PLEKHA8: variants seen among roughly 807,000 people sequenced by gnomAD.
PLEKHA8 encodes the protein pleckstrin homology domain-containing family A member 8.
In PLEKHA8, 36 loss-of-function variants were observed where a neutral mutation model predicts 68.2. The observed-to-expected ratio is 0.53, with a 90% CI of 0.40 to 0.70. PLEKHA8 has a LOEUF of 0.70. PLEKHA8 is among the 30% of genes least tolerant of loss of function. The pLI, the probability that PLEKHA8 is intolerant of heterozygous loss-of-function variation, is 0.00. For missense variants in PLEKHA8, 505 were observed against 615.4 expected, an observed-to-expected ratio of 0.82 and a Z score of 1.90; for synonymous variants, 211 against 216.1, an observed-to-expected ratio of 0.98 and a Z score of 0.20.
At chr7:30,123,731 A>G (rs552796349) in intron 13 of PLEKHA8, among the ~76,000 whole-genome samples, 6 of 152,230 alleles carry the variant, frequency 3.9e-5, no homozygotes, top group Non-Finnish European at 8.8e-5. Flanking sequence ...GAACAGAGCC[A>G]GCACAGAGGA....
intron 13 of PLEKHA8, among the ~76,000 whole-genome samples, chr7:30,111,475 C>T (rs1330948960): frequency 6.6e-6 from 1 of 151,808 alleles, no homozygotes; most frequent in Non-Finnish European, 1.5e-5. Context: ...CATTTAATCA[C>T]TTTTGGTTTT....
At chr7:30,073,798 G>A (rs879337121) in intron 12 of PLEKHA8, among the ~76,000 whole-genome samples, 1 of 151,806 alleles carries the variant, frequency 6.6e-6, no homozygotes, top group Non-Finnish European at 1.5e-5. Flanking sequence ...GAACAGCCTG[G>A]GCAACATAGC....
Position 30,111,185 on chromosome 7 carries a change from G to A in PLEKHA8, c.1363-18081G>A, listed in dbSNP as rs1232351680. ...TCCCAAAGCACTGGATTACACGCAT[G>A]AGCCATCACACCTGGACCTTATTTT... On this transcript the variant is annotated intron_variant, in intron 13 of 13. Coordinates refer to the PLEKHA8 transcript ENST00000396257. Among the ~76,000 whole-genome samples the A allele has an allele frequency of 2.0e-5, 3 of 152,092 alleles. No homozygotes were observed. In the South Asian group the frequency reaches 6.2e-4, roughly 32 times the overall value.
At chr7:30,037,384 G>A (rs1335120910) in intron 1 of PLEKHA8, among the ~76,000 whole-genome samples, 1 of 152,024 alleles carries the variant, frequency 6.6e-6, no homozygotes, top group Non-Finnish European at 1.5e-5. Context: ...GCCCAAGCTG[G>A]TCTTGAACTC....
chr7:30,078,511 G>A, intron 13 of PLEKHA8, 79 bp from the exon 14 acceptor site: 2 of 1,359,216 alleles, frequency 1.5e-6, no homozygotes, highest in South Asian at 1.2e-5. Context: ...AAGTATGTGT[G>A]TGTGCATGTG....
At position 30,083,785 on chromosome 7, in the gene PLEKHA8, T is replaced by C. The variant is rs1245666028; in HGVS notation, c.*4998T>C. ...ATAATATCCTGCTTGTTCTAAATAGTTCATATATTTAAAGTGTGGTCAGTA... is the reference window on the plus strand; with the variant it reads ...ATAATATCCTGCTTGTTCTAAATAGCTCATATATTTAAAGTGTGGTCAGTA... On this transcript the variant is annotated 3_prime_UTR_variant, in exon 14 of 14. Coordinates refer to ENST00000449726, the MANE Select transcript of PLEKHA8 (RefSeq NM_001197026.2). 4.1e-6 allele frequency: 4 copies of C among 985,100 alleles called. No individual in the cohort carries two copies. The highest frequency in any genetic ancestry group is 4.8e-6 in the Non-Finnish European group (4 of 829,754). 61.0% of individuals were successfully genotyped at this position (985,100 alleles called of 1,614,324 possible).
intron 3 of PLEKHA8, 39 bp downstream of exon 3, chr7:30,046,404 A>G (rs1331565549): frequency 1.3e-6 from 2 of 1,529,318 alleles, no homozygotes; most frequent in Admixed American, 2.1e-5. Context: ...AACCTTGGGA[A>G]TCACCCACTG....
chr7:30,074,258 G>GTA, intron 13 of PLEKHA8, 126 bp downstream of exon 13: 1 of 666,062 alleles, frequency 1.5e-6, no homozygotes, highest in Non-Finnish European at 2.5e-6. Context: ...GTGTGTGTGT[G>GTA]TGTGTGTGTG....
chr7:30,093,368 A>G (rs1474918503), downstream of PLEKHA8, among the ~76,000 whole-genome samples: 1 of 152,214 alleles, frequency 6.6e-6, no homozygotes, highest in African/African-American at 2.4e-5. Flanking sequence ...GAGAAGAGGA[A>G]ATGTTGCTTG....
intron 12 of PLEKHA8, among the ~76,000 whole-genome samples, chr7:30,064,153 A>T (rs1793652268): frequency 6.6e-6 from 1 of 152,210 alleles, no homozygotes; most frequent in African/African-American, 2.4e-5. Flanking sequence ...TCTGATCCTC[A>T]CTTTGTTCAT....
At position 30,079,453 on chromosome 7, in the gene PLEKHA8, G is replaced by A. The variant is rs1037294267; in HGVS notation, c.*666G>A. 6.1e-6 allele frequency: 6 copies of A among 985,420 alleles called. No homozygotes were observed. Among genetic ancestry groups the A allele is most frequent in the Non-Finnish European group, 6.0e-6 (5 of 829,928 alleles). 61.0% of individuals were successfully genotyped at this position (985,420 alleles called of 1,614,324 possible). ...TGGTGTGCCCTAGCCCCAAGTTGGA[G>A]GGGAGAATATGAGAGAGGTGGGACA... On this transcript the variant is annotated 3_prime_UTR_variant, in exon 14 of 14. Transcript: ENST00000449726.
Position 30,118,051 on chromosome 7 carries a change from G to A in PLEKHA8, c.1363-11215G>A, listed in dbSNP as rs1314347811. ...TGCAGAGTGGCCTGCAGGACATGAT[G>A]ACCCAGCATGAGACAGGATGCATCA... On this transcript the variant is annotated intron_variant, in intron 13 of 13. Transcript: ENST00000396257. The A allele has an allele frequency of 1.5e-5, 23 of 1,502,448 alleles. 1 individual carries two copies. Among genetic ancestry groups the A allele is most frequent in the Middle Eastern group, 3.4e-4 (2 of 5,830 alleles). 93.1% of individuals were successfully genotyped at this position (1,502,448 alleles called of 1,614,324 possible).
At chr7:30,041,557 C>G (rs1415049251) in intron 1 of PLEKHA8, among the ~76,000 whole-genome samples, 1 of 151,674 alleles carries the variant, frequency 6.6e-6, no homozygotes, top group Non-Finnish European at 1.5e-5. Flanking sequence ...CCTTGCCCAG[C>G]TAGTTTTTAA....
At chr7:30,060,749 T>C (rs1793372419) in intron 9 of PLEKHA8, 135 bp from the exon 10 acceptor site, 1 of 684,472 alleles carries the variant, frequency 1.5e-6, no homozygotes, top group South Asian at 1.7e-5. Flanking sequence ...CTTTTGAAGA[T>C]TATGTTTAGA....
downstream of PLEKHA8, among the ~76,000 whole-genome samples, chr7:30,085,932 C>T (rs1173991950): frequency 6.6e-6 from 1 of 152,206 alleles, no homozygotes; most frequent in Admixed American, 6.5e-5. Flanking sequence ...GCAAAGTTTC[C>T]TTGAAGGCTG....
exon 13 of PLEKHA8, chr7:30,090,475 A>G: frequency 3.6e-6 from 1 of 275,332 alleles, no homozygotes; most frequent in East Asian, 6.8e-5. Flanking sequence ...AGATGAACCA[A>G]ATAACTCAAT....
chr7:30,040,353 A>G (rs1791434822), intron 1 of PLEKHA8, among the ~76,000 whole-genome samples: 1 of 152,130 alleles, frequency 6.6e-6, no homozygotes, highest in Non-Finnish European at 1.5e-5. Flanking sequence ...TGTGTGAATC[A>G]TGTTTAGGTC....
chr7:30,120,646 C>T (rs1796681901), intron 13 of PLEKHA8, among the ~76,000 whole-genome samples: 1 of 152,182 alleles, frequency 6.6e-6, no homozygotes, highest in Non-Finnish European at 1.5e-5. Context: ...GGAAAAAACA[C>T]AACTAAGAAC....
Position 30,054,736 on chromosome 7 carries a change from G to A in PLEKHA8, c.824G>A (p.Gly275Glu), listed in dbSNP as rs751068357. The change falls in exon 8 of 14, where the codon GGA becomes GAA. Residue 275 changes from glycine to glutamate, a missense_variant. Gly to Glu is a moderately conservative substitution (Grantham distance 98). Coordinates refer to ENST00000449726, the MANE Select transcript of PLEKHA8 (RefSeq NM_001197026.2). The stretch of plus-strand genomic sequence containing the variant: ...CAAGGTGAAATAAGGAAGGAAGATG[G>A]AATGGAAAACCTGAAAAATCATGAC... ...TVQGEIRKED[G>E]MENLKNHDNN... The A allele has an allele frequency of 6.0e-5, 96 of 1,598,148 alleles. No homozygotes were observed. The highest frequency in any genetic ancestry group is 7.9e-5 in the Non-Finnish European group (92 of 1,170,516).
Sources: allele counts gnomAD v4.1 joint callset (sites outside exome capture counted in the v4.1 genomes callset), GRCh38; gene constraint gnomAD v4.1.1; transcripts MANE v1.5; gene names NCBI Gene and HGNC (gene_info 2026-07-23, HGNC 2026-07-21).